MUC15: variants seen among roughly 807,000 people sequenced by gnomAD.
MUC15 encodes the protein mucin-15.
A neutral mutation model predicts 24.0 loss-of-function variants in MUC15; 23 were observed. The ratio of observed to expected loss-of-function variants is 0.96; its 90% CI spans 0.69 to 1.36. The LOEUF is 1.36. Ranked by LOEUF, MUC15 falls within the 40% of genes most tolerant of loss-of-function variation. The pLI is 0.00. For missense variants in MUC15, 442 were observed against 428.2 expected (o/e 1.03, Z -0.29); for synonymous variants, 151 against 156.3 (o/e 0.97, Z 0.25).
chr11:26,572,054 A>T lies in MUC15; in HGVS notation c.-59T>A. On this transcript the variant is annotated 5_prime_UTR_variant, in exon 1 of 5. Coordinates refer to ENST00000529533, the MANE Select transcript of MUC15 (RefSeq NM_001135091.2). ...ACGCACACTTACCTTCAGGCTTAGG[A>T]GGTATTTACAATCAGGAACTGAAAT... The T allele has an allele frequency of 1.0e-6, 1 of 984,428 alleles. No individual in the cohort carries two copies. The highest frequency in any genetic ancestry group is 4.7e-5 in the South Asian group (1 of 21,274). The allele number at this position is 984,428 out of a possible 1,614,324, so 61.0% of individuals were successfully genotyped here. A position where few individuals can be genotyped will look rare whatever the true frequency, so the allele number is the denominator to read the frequency against.
Position 26,560,969 on chromosome 11 carries a change from G to T in MUC15, c.*96C>A. ...TATGATTCTCCTTGACAAAATCCAC[G>T]TGACAGTAATTTTGTGTAACCTTTT... On this transcript the variant is annotated 3_prime_UTR_variant, in exon 5 of 5. Transcript: ENST00000529533. 1 of 1,225,182 alleles carries T rather than the reference G, an allele frequency of 8.2e-7. No homozygotes were observed. The highest frequency in any genetic ancestry group is 1.1e-6 in the Non-Finnish European group (1 of 870,458). The allele number at this position is 1,225,182 out of a possible 1,614,324, so 75.9% of individuals were successfully genotyped here. A position where few individuals can be genotyped will look rare whatever the true frequency, so the allele number is the denominator to read the frequency against.
intron 1 of MUC15, among the ~76,000 whole-genome samples, chr11:26,571,276 G>T (rs979837538): frequency 6.6e-6 from 1 of 152,068 alleles, no homozygotes; most frequent in Non-Finnish European, 1.5e-5. Flanking sequence ...TATAGGAGCA[G>T]CCTCTACAGA....
chr11:26,562,902 G>A (rs189591576), intron 4 of MUC15: 4 of 544,192 alleles, frequency 7.4e-6, no homozygotes, highest in Admixed American at 4.1e-5. Flanking sequence ...GATGCAGTGA[G>A]CAACAGTTCA....
At chr11:26,568,569 A>G (rs775222688) in intron 1 of MUC15, among the ~76,000 whole-genome samples, 8 of 151,936 alleles carry the variant, frequency 5.3e-5, no homozygotes, top group Non-Finnish European at 8.8e-5. Flanking sequence ...AAGTCTTTCT[A>G]TCTTCAAAGG....
chr11:26,560,058 T>A lies in MUC15; in HGVS notation c.*1007A>T. 24 of 318,598 alleles carry A rather than the reference T, an allele frequency of 7.5e-5. No homozygotes were observed. 19.7% of individuals were successfully genotyped at this position (318,598 alleles called of 1,614,324 possible). On this transcript the variant is annotated 3_prime_UTR_variant, in exon 5 of 5. Coordinates refer to ENST00000529533, the MANE Select transcript of MUC15 (RefSeq NM_001135091.2). ...AGGAAGGTGGTAATTAAAAACAAAC[T>A]GAAACATACTAGAATCCAAATTAAT...
At position 26,559,611 on chromosome 11, in the gene MUC15, AAT is replaced by A. The variant is rs1850201614; in HGVS notation, c.*1452_*1453del. 2.6e-6 allele frequency: 2 copies of A among 770,858 alleles called. No individual in the cohort carries two copies. Among genetic ancestry groups the A allele is most frequent in the Non-Finnish European group, 4.5e-6 (2 of 439,700 alleles). The allele number at this position is 770,858 out of a possible 1,614,324, so 47.8% of individuals were successfully genotyped here. Reference sequence around the variant, plus strand: ...ATATAATATTTCTGTACTATAAAATAATATGATTCTATTTGAGAAAAAATCAT... The same window carrying A: ...ATATAATATTTCTGTACTATAAAATAATGATTCTATTTGAGAAAAAATCAT... On this transcript the variant is annotated 3_prime_UTR_variant, in exon 5 of 5. Coordinates refer to ENST00000529533, the MANE Select transcript of MUC15 (RefSeq NM_001135091.2).
intron 3 of MUC15, 23 bp from the exon 4 acceptor site, chr11:26,563,288 A>G (rs1850370165): frequency 6.4e-7 from 1 of 1,569,982 alleles, no homozygotes; most frequent in Non-Finnish European, 8.6e-7. Flanking sequence ...AAAAATTTAA[A>G]GAAATATAAA....
In MUC15 at chr11:26,563,180, C is replaced by A; in HGVS notation, c.861G>T (p.Leu287Phe). Reference protein sequence around the residue: ...VSLLTLVGYLLCGKRKTDSFS... With the variant: ...VSLLTLVGYLFCGKRKTDSFS... ...ATGAATCCGTTTTCCTTTTTCCACA[C>A]AACAAGTAGCCCACAAGAGTAAGCA... The change falls in exon 4 of 5, where the codon TTG becomes TTT. Residue 287 changes from leucine to phenylalanine, a missense_variant. Leu to Phe is a conservative substitution (Grantham distance 22). Transcript: ENST00000529533. 1.2e-6 allele frequency: 2 copies of A among 1,612,468 alleles called. No homozygotes were observed. Among genetic ancestry groups the A allele is most frequent in the Non-Finnish European group, 1.7e-6 (2 of 1,178,952 alleles).
At chr11:26,567,415 A>T (rs2134275575) in intron 1 of MUC15, among the ~76,000 whole-genome samples, 1 of 151,982 alleles carries the variant, frequency 6.6e-6, no homozygotes, top group African/African-American at 2.4e-5. Context: ...GCTCTCTGAA[A>T]TTTTTACAAA....
chr11:26,561,192 T>A lies in MUC15; in HGVS notation c.959A>T (p.Asp320Val). 1 of 1,612,120 alleles carries A rather than the reference T, an allele frequency of 6.2e-7. No individual in the cohort carries two copies. Among genetic ancestry groups the A allele is most frequent in the Non-Finnish European group, 8.5e-7 (1 of 1,178,984 alleles). The change falls in exon 5 of 5, where the codon GAT becomes GTT. Residue 320 changes from aspartate (D) to valine (V), a missense_variant. Physicochemically the swap from Asp to Val is radical, Grantham distance 152. Transcript: ENST00000529533. The part of the protein sequence containing the change: ...LRLDNAPEPY[D>V]VSFGNSSYYN... ...GTAGCTAGAATTCCCAAAACTCACA[T>A]CATAAGGTTCCGGTGCATTGTCTAA...
At chr11:26,566,112 GA>G (rs1850572815) in intron 2 of MUC15, among the ~76,000 whole-genome samples, 1 of 151,684 alleles carries the variant, frequency 6.6e-6, no homozygotes, top group Non-Finnish European at 1.5e-5. Context: ...TGCTTCTAGG[GA>G]AATGCCATGC....
In MUC15 at chr11:26,572,114, G is replaced by A. The variant is rs1456823265; in HGVS notation, c.-119C>T. On this transcript the variant is annotated 5_prime_UTR_variant, in exon 1 of 5. Transcript: ENST00000529533. ...GTCCTGTCTGAAAGGAATCTGTCGT[G>A]CATTAGAGAAAACAGATGGGTTAAG... 1 of 985,332 alleles carries A rather than the reference G, an allele frequency of 1.0e-6. No homozygotes were observed. Among genetic ancestry groups the A allele is most frequent in the South Asian group, 4.7e-5 (1 of 21,284 alleles). 61.0% of individuals were successfully genotyped at this position (985,332 alleles called of 1,614,324 possible).
chr11:26,565,824 G>A lies in MUC15; in HGVS notation c.116C>T (p.Thr39Met), dbSNP rs539302971. ...LALAKILLISTLFYSLLSGSH... is the reference protein window; with the variant it reads ...LALAKILLISMLFYSLLSGSH... ...CCCCGATAGAAGTGAATAAAACAACGTTGAAATCAACAGAATTTTGGCTAA... is the reference window on the plus strand; with the variant it reads ...CCCCGATAGAAGTGAATAAAACAACATTGAAATCAACAGAATTTTGGCTAA... The change falls in exon 3 of 5, where the codon ACG becomes ATG. Residue 39 changes from threonine (T) to methionine (M), a missense_variant. Physicochemically the swap from Thr to Met is moderately conservative, Grantham distance 81. Transcript: ENST00000529533. 1.2e-5 allele frequency: 20 copies of A among 1,612,502 alleles called. No individual in the cohort carries two copies. The highest frequency in any genetic ancestry group is 2.7e-5 in the African/African-American group (2 of 74,850).
intron 1 of MUC15, among the ~76,000 whole-genome samples, chr11:26,569,465 G>A (rs1410063593): frequency 6.6e-6 from 1 of 152,032 alleles, no homozygotes; most frequent in East Asian, 1.9e-4. Context: ...GCCAGGTTAC[G>A]CCACTTACTC....
chr11:26,565,253 G>C lies in MUC15; in HGVS notation c.687C>G (p.Thr229=). The change falls in exon 3 of 5, where the codon ACC becomes ACG. Residue 229 remains threonine, a synonymous_variant. Transcript: ENST00000529533. The part of the protein sequence containing the change: ...TTNSDSFTGF[T]PYQEKTTLQP... ...GTAGAGTTGTTTTTTCTTGATAAGG[G>C]GTAAACCCAGTGAAGCTATCACTGT... 1 of 1,585,792 alleles carries C rather than the reference G, an allele frequency of 6.3e-7. No individual in the cohort carries two copies. Among genetic ancestry groups the C allele is most frequent in the Non-Finnish European group, 8.6e-7 (1 of 1,165,204 alleles).
In MUC15 at chr11:26,565,778, T is replaced by C; in HGVS notation, c.162A>G (p.Gln54=). ...LLSGSHGKEN[Q]DINTTQNIAE... ...CAATGTTCTGTGTTGTGTTTATGTCTTGATTTTCTTTTCCATGGCTCCCCG... is the reference window on the plus strand; with the variant it reads ...CAATGTTCTGTGTTGTGTTTATGTCCTGATTTTCTTTTCCATGGCTCCCCG... The change falls in exon 3 of 5, where the codon CAA becomes CAG. Residue 54 remains glutamine (Q), a synonymous_variant. Transcript: ENST00000529533. 1 of 1,608,962 alleles carries C rather than the reference T, an allele frequency of 6.2e-7. No individual in the cohort carries two copies. Among genetic ancestry groups the C allele is most frequent in the Non-Finnish European group, 8.5e-7 (1 of 1,176,346 alleles).
intron 2 of MUC15, 42 bp from the exon 3 acceptor site, chr11:26,565,938 A>G (rs1850563435): frequency 6.8e-7 from 1 of 1,473,312 alleles, no homozygotes; most frequent in Non-Finnish European, 9.1e-7. Flanking sequence ...TAAATAAAAT[A>G]CTCTGAGTTT....
At chr11:26,562,726 A>C (rs1041425698) in intron 4 of MUC15, among the ~76,000 whole-genome samples, 9 of 151,890 alleles carry the variant, frequency 5.9e-5, no homozygotes, top group Non-Finnish European at 1.3e-4. Flanking sequence ...ATTAGAATCA[A>C]TCTTTGTTCA....
chr11:26,569,136 T>C (rs1339874668), intron 1 of MUC15, among the ~76,000 whole-genome samples: 3 of 152,052 alleles, frequency 2.0e-5, no homozygotes, highest in Admixed American at 2.0e-4. Context: ...GTGAATTCTG[T>C]TGTTCCTGTT....
Sources: allele counts gnomAD v4.1 joint callset (sites outside exome capture counted in the v4.1 genomes callset), GRCh38; gene constraint gnomAD v4.1.1; transcripts MANE v1.5; gene names NCBI Gene and HGNC (gene_info 2026-07-23, HGNC 2026-07-21).